Variants in GAP43 observed in about 807,000 individuals in gnomAD.
GAP43 encodes growth associated protein 43.
GAP43 carries 6 observed loss-of-function variants against 18.6 expected under a neutral mutation model. The observed-to-expected ratio is 0.32, with a 90% CI of 0.18 to 0.64. The LOEUF (loss-of-function observed/expected upper bound fraction) is 0.64. GAP43 is among the 30% of genes least tolerant of loss of function. The pLI, the probability that GAP43 is intolerant of heterozygous loss-of-function variation, is 0.78. For synonymous variants in GAP43, 115 were observed against 111.4 expected (o/e 1.03, Z -0.20); for missense variants, 292 against 295.5 (o/e 0.99, Z 0.09).
chr3:115,686,540 A>G (rs1393606947), intron 2 of GAP43, among the ~76,000 whole-genome samples: 1 of 152,182 alleles, frequency 6.6e-6, no homozygotes, highest in African/African-American at 2.4e-5. Flanking sequence ...AGGAAAGTGC[A>G]TAATTTATTA....
intron 1 of GAP43, among the ~76,000 whole-genome samples, chr3:115,671,942 A>C (rs1708819124): frequency 6.6e-6 from 1 of 152,220 alleles, no homozygotes; most frequent in South Asian, 2.1e-4. Context: ...ATGTGGTTTA[A>C]GTGTATTTTC....
At chr3:115,638,097 G>A (rs1255612731) in intron 1 of GAP43, among the ~76,000 whole-genome samples, 1 of 151,916 alleles carries the variant, frequency 6.6e-6, no homozygotes, top group Non-Finnish European at 1.5e-5. Flanking sequence ...GGAGACTAAT[G>A]CAATACTCTA....
chr3:115,683,698 A>G (rs1576993369), intron 2 of GAP43, among the ~76,000 whole-genome samples: 1 of 152,144 alleles, frequency 6.6e-6, no homozygotes, highest in Non-Finnish European at 1.5e-5. Flanking sequence ...GGTTAATAAA[A>G]CCTTGGATGC....
intron 1 of GAP43, among the ~76,000 whole-genome samples, chr3:115,629,464 C>A (rs575918989): frequency 6.7e-6 from 1 of 149,762 alleles, no homozygotes; most frequent in Non-Finnish European, 1.5e-5. Flanking sequence ...TTGGTGCCTT[C>A]GCTTGTACTC....
intron 2 of GAP43, among the ~76,000 whole-genome samples, chr3:115,698,280 TAAATATAA>T: frequency 2.2e-4 from 1 of 4,646 alleles, no homozygotes; most frequent in Non-Finnish European, 4.5e-4. Flanking sequence ...ATATTATATA[TAAATATAA>T]TATATATATT....
At chr3:115,694,229 C>T (rs1047119044) in intron 2 of GAP43, among the ~76,000 whole-genome samples, 2 of 152,198 alleles carry the variant, frequency 1.3e-5, no homozygotes, top group Non-Finnish European at 2.9e-5. Flanking sequence ...TCCAGCTCCA[C>T]CCCGAAGCCA....
At chr3:115,640,768 G>A (rs2107470060) in intron 1 of GAP43, among the ~76,000 whole-genome samples, 2 of 152,120 alleles carry the variant, frequency 1.3e-5, no homozygotes, top group Middle Eastern at 3.4e-3. Flanking sequence ...GGTCTATGTT[G>A]GCACAAGAAA....
intron 2 of GAP43, among the ~76,000 whole-genome samples, chr3:115,704,772 G>A (rs1709340228): frequency 6.6e-6 from 1 of 152,010 alleles, no homozygotes; most frequent in African/African-American, 2.4e-5. Flanking sequence ...ATCTAATGGA[G>A]GATCGCTGAA....
At chr3:115,663,575 T>A in intron 1 of GAP43, 1 of 1,319,880 alleles carries the variant, frequency 7.6e-7, no homozygotes, top group Non-Finnish European at 9.6e-7. Flanking sequence ...GTGTGAATTT[T>A]CCCTGTCAAA....
chr3:115,646,965 G>T (rs919468948), intron 1 of GAP43, among the ~76,000 whole-genome samples: 4 of 151,920 alleles, frequency 2.6e-5, no homozygotes, highest in Non-Finnish European at 4.4e-5. Context: ...TGGGGGCAGA[G>T]GGATACAAAA....
At chr3:115,693,670 T>A (rs1319988807) in intron 2 of GAP43, among the ~76,000 whole-genome samples, 1 of 151,726 alleles carries the variant, frequency 6.6e-6, no homozygotes, top group Non-Finnish European at 1.5e-5. Context: ...GAAAAAACAT[T>A]CAGTTGTAAT....
At chr3:115,713,859 G>T (rs1709469768) in intron 2 of GAP43, among the ~76,000 whole-genome samples, 1 of 152,194 alleles carries the variant, frequency 6.6e-6, no homozygotes, top group Non-Finnish European at 1.5e-5. Flanking sequence ...TGTGGATCAA[G>T]AATATGGAAA....
At chr3:115,663,401 C>A in intron 1 of GAP43, 1 of 362,384 alleles carries the variant, frequency 2.8e-6, no homozygotes, top group Non-Finnish European at 3.9e-6. Context: ...TGACTCTAGT[C>A]CATTCATCTG....
chr3:115,703,948 T>G (rs115458539), intron 2 of GAP43, among the ~76,000 whole-genome samples: 27 of 152,208 alleles, frequency 1.8e-4, no homozygotes, highest in African/African-American at 6.0e-4. Flanking sequence ...TAATATCACT[T>G]TTTCAATATA....
intron 2 of GAP43, among the ~76,000 whole-genome samples, chr3:115,690,761 T>C (rs1231064298): frequency 1.3e-4 from 19 of 145,638 alleles, no homozygotes; most frequent in East Asian, 2.0e-4. Flanking sequence ...TTCTTTCTTT[T>C]TTTTTTTTTT....
At chr3:115,651,723 C>G (rs1033021008) in intron 1 of GAP43, among the ~76,000 whole-genome samples, 17 of 152,006 alleles carry the variant, frequency 1.1e-4, no homozygotes, top group African/African-American at 4.1e-4. Context: ...ATCTGTTCTT[C>G]CCTCCCTCCC....
intron 1 of GAP43, among the ~76,000 whole-genome samples, chr3:115,625,285 GA>G (rs1708173608): frequency 6.7e-6 from 1 of 150,234 alleles, no homozygotes; most frequent in South Asian, 2.1e-4. Flanking sequence ...GATAGTGGGG[GA>G]TTGAGTTGGG....
intron 1 of GAP43, among the ~76,000 whole-genome samples, chr3:115,650,068 C>A (rs1335700877): frequency 6.6e-6 from 1 of 152,162 alleles, no homozygotes; most frequent in Non-Finnish European, 1.5e-5. Flanking sequence ...GGAGACACTT[C>A]ATTCACAAGC....
chr3:115,706,881 C>T (rs1327907138), intron 2 of GAP43, among the ~76,000 whole-genome samples: 2 of 152,120 alleles, frequency 1.3e-5, no homozygotes, highest in African/African-American at 2.4e-5. Flanking sequence ...GAAGATAACT[C>T]ATTTATTAGG....
Sources: allele counts gnomAD v4.1 joint callset (sites outside exome capture counted in the v4.1 genomes callset), GRCh38; gene constraint gnomAD v4.1.1; transcripts MANE v1.5; gene names NCBI Gene and HGNC (gene_info 2026-07-23, HGNC 2026-07-21).